The following GRIK2 variants were observed in gnomAD, a reference collection of about 807,000 sequenced individuals.
GRIK2 encodes glutamate ionotropic receptor kainate type subunit 2.
GRIK2 carries 32 observed loss-of-function variants against 100.3 expected under a neutral mutation model. That is an observed-to-expected ratio of 0.32 (90% CI 0.24 to 0.43). GRIK2 has a LOEUF of 0.43. Ranked by LOEUF, GRIK2 falls within the 20% of genes least tolerant of loss-of-function variation. GRIK2 has a pLI of 1.00. For missense variants in GRIK2, 843 were observed against 1,114.9 expected (o/e 0.76, Z 3.47); for synonymous variants, 417 against 389.4 (o/e 1.07, Z -0.83).
chr6:101,753,299 A>AG (rs1234178139), intron 7 of GRIK2, among the ~76,000 whole-genome samples: 1 of 151,556 alleles, frequency 6.6e-6, no homozygotes, highest in African/African-American at 2.4e-5. Context: ...AAAAAAAAAA[A>AG]AAAGAAAATA....
chr6:101,554,863 TC>T (rs10709911), intron 2 of GRIK2, among the ~76,000 whole-genome samples: 54,602 of 150,950 alleles, frequency 0.36, 11,637 homozygotes, highest in African/African-American at 0.59. Context: ...CTTTTTTTTT[TC>T]CCCCAAAATC....
intron 11 of GRIK2, among the ~76,000 whole-genome samples, chr6:101,887,461 A>C (rs1786732399): frequency 1.4e-5 from 2 of 146,276 alleles, no homozygotes; most frequent in South Asian, 4.6e-4. Context: ...CTGTGTAGTC[A>C]ACCCTCCAAA....
At chr6:101,585,056 A>AAAT (rs1166156095) in intron 2 of GRIK2, among the ~76,000 whole-genome samples, 1 of 152,018 alleles carries the variant, frequency 6.6e-6, no homozygotes, top group Admixed American at 6.6e-5. Flanking sequence ...AATCCAACTC[A>AAAT]AATACTTATT....
chr6:101,959,541 T>C (rs182884265), intron 14 of GRIK2, among the ~76,000 whole-genome samples: 5 of 152,282 alleles, frequency 3.3e-5, no homozygotes, highest in Admixed American at 2.0e-4. Context: ...AATTTTTATT[T>C]TGTTGATCCT....
At chr6:101,892,403 CACTT>C (rs1315320917) in intron 12 of GRIK2, among the ~76,000 whole-genome samples, 1 of 152,056 alleles carries the variant, frequency 6.6e-6, no homozygotes, top group African/African-American at 2.4e-5. Context: ...TTCTGTAACT[CACTT>C]GATAAACCAT....
At chr6:101,804,719 C>T (rs751109702) in intron 9 of GRIK2, among the ~76,000 whole-genome samples, 11 of 151,828 alleles carry the variant, frequency 7.2e-5, no homozygotes, top group East Asian at 5.8e-4. Flanking sequence ...GATAAGGTAC[C>T]GAGGATGGGT....
At chr6:101,926,818 C>A (rs1194570986) in intron 13 of GRIK2, among the ~76,000 whole-genome samples, 15 of 152,128 alleles carry the variant, frequency 9.9e-5, no homozygotes, top group Non-Finnish European at 1.5e-5. Context: ...CTAGGAGGTA[C>A]TCGCTTTAAG....
chr6:101,843,406 A>C (rs1042649794), intron 10 of GRIK2, among the ~76,000 whole-genome samples: 1 of 152,152 alleles, frequency 6.6e-6, no homozygotes, highest in Non-Finnish European at 1.5e-5. Context: ...CATCATCCAC[A>C]TGAGTCATTT....
intron 14 of GRIK2, among the ~76,000 whole-genome samples, chr6:101,933,648 C>T (rs1256667995): frequency 6.6e-6 from 1 of 151,882 alleles, no homozygotes; most frequent in Non-Finnish European, 1.5e-5. Context: ...TTTATTGCAG[C>T]ACCTTGTTAC....
At chr6:101,662,521 T>A (rs1326743768) in intron 4 of GRIK2, among the ~76,000 whole-genome samples, 2 of 152,264 alleles carry the variant, frequency 1.3e-5, no homozygotes, top group African/African-American at 2.4e-5. Context: ...ATGATACCCT[T>A]CATAAGTGTT....
At chr6:101,782,919 C>T (rs1443103025) in intron 7 of GRIK2, among the ~76,000 whole-genome samples, 4 of 143,916 alleles carry the variant, frequency 2.8e-5, no homozygotes, top group Non-Finnish European at 4.5e-5. Flanking sequence ...TGCAGTGGTG[C>T]GATCTCAGCT....
intron 2 of GRIK2, among the ~76,000 whole-genome samples, chr6:101,603,509 T>C (rs1479041967): frequency 1.3e-5 from 2 of 151,644 alleles, no homozygotes; most frequent in South Asian, 4.1e-4. Flanking sequence ...AGATTGGGTC[T>C]AAAGCTATTT....
chr6:101,598,592 T>TAAAAAAAAAAAAAAAAAAAAAAAAA (rs75603851), intron 2 of GRIK2, among the ~76,000 whole-genome samples: 7 of 82,388 alleles, frequency 8.5e-5, no homozygotes, highest in Non-Finnish European at 1.4e-4. Flanking sequence ...TCTTCCTTAA[T>TAAAAAAAAAAAAAAAAAAAAAAAAA]AAAAAAAAAA....
intron 2 of GRIK2, among the ~76,000 whole-genome samples, chr6:101,559,252 G>T (rs1029327760): frequency 5.9e-5 from 9 of 151,930 alleles, no homozygotes; most frequent in Admixed American, 1.3e-4. Context: ...ATAGCTAAGT[G>T]TATTTAATAA....
chr6:101,799,119 C>G (rs935083470), intron 7 of GRIK2, among the ~76,000 whole-genome samples: 4 of 151,994 alleles, frequency 2.6e-5, no homozygotes, highest in Non-Finnish European at 5.9e-5. Context: ...GGGTTTATAT[C>G]TTTTTAAAGC....
At chr6:101,958,470 A>G (rs947003423) in intron 14 of GRIK2, among the ~76,000 whole-genome samples, 6 of 152,074 alleles carry the variant, frequency 3.9e-5, no homozygotes, top group Non-Finnish European at 7.4e-5. Flanking sequence ...ATCATCAGTT[A>G]ACATATATCA....
At chr6:101,588,243 A>C (rs1778471601) in intron 2 of GRIK2, among the ~76,000 whole-genome samples, 1 of 152,102 alleles carries the variant, frequency 6.6e-6, no homozygotes, top group Admixed American at 6.6e-5. Flanking sequence ...TAAGAAAAAT[A>C]GAAAAAAGCA....
intron 2 of GRIK2, among the ~76,000 whole-genome samples, chr6:101,519,228 A>G (rs183699965): frequency 1.1e-3 from 160 of 152,078 alleles, no homozygotes; most frequent in Admixed American, 3.9e-3. Context: ...TACAGAGGCT[A>G]GAAAGTTTGG....
chr6:101,458,850 G>T (rs1376087246), intron 2 of GRIK2, among the ~76,000 whole-genome samples: 1 of 152,112 alleles, frequency 6.6e-6, no homozygotes, highest in East Asian at 1.9e-4. Flanking sequence ...AAGATTTCTT[G>T]ATTTTAAACT....
Sources: gnomAD v4.1 joint callset for allele counts (sites outside exome capture counted in the v4.1 genomes callset) on GRCh38, gnomAD v4.1.1 for gene constraint, MANE v1.5 for transcripts, NCBI Gene and HGNC (gene_info 2026-07-23, HGNC 2026-07-21) for gene names.